Variants in CHCHD6 observed in about 807,000 individuals in gnomAD.
The protein encoded by CHCHD6 is MICOS complex subunit MIC25.
CHCHD6 carries 28 observed loss-of-function variants against 32.3 expected under a neutral mutation model. The observed-to-expected ratio is 0.87, with a 90% CI of 0.64 to 1.19. The LOEUF is 1.19. CHCHD6 is among the 50% of genes most tolerant of loss of function. The pLI is 0.00. For missense variants in CHCHD6, 333 were observed against 307.0 expected (o/e 1.08, Z -0.63); for synonymous variants, 122 against 117.5 (o/e 1.04, Z -0.25).
chr3:126,727,344 T>C (rs1276991592), intron 2 of CHCHD6, among the ~76,000 whole-genome samples, 158 bp downstream of exon 2: 2 of 152,190 alleles, frequency 1.3e-5, no homozygotes, highest in Admixed American at 6.5e-5. Flanking sequence ...GAGCATGGCT[T>C]TCTGGGAGTG....
chr3:126,827,235 A>G (rs570186280), intron 4 of CHCHD6, among the ~76,000 whole-genome samples: 1 of 152,314 alleles, frequency 6.6e-6, no homozygotes, highest in Admixed American at 6.5e-5. Context: ...GCTTCATGCA[A>G]GGAAATGACA....
At chr3:126,733,476 A>C (rs911096499) in intron 4 of CHCHD6, among the ~76,000 whole-genome samples, 3 of 152,210 alleles carry the variant, frequency 2.0e-5, no homozygotes, top group Admixed American at 1.3e-4. Context: ...AGGTCTACAC[A>C]GTAAGGGACC....
chr3:126,947,860 G>A (rs577505732), intron 6 of CHCHD6, among the ~76,000 whole-genome samples: 3 of 152,308 alleles, frequency 2.0e-5, no homozygotes, highest in Admixed American at 6.5e-5. Flanking sequence ...CATAAGCTAC[G>A]GCTCCTCCCC....
intron 6 of CHCHD6, among the ~76,000 whole-genome samples, chr3:126,930,968 C>T (rs1170199302): frequency 6.6e-6 from 1 of 152,232 alleles, no homozygotes; most frequent in Non-Finnish European, 1.5e-5. Flanking sequence ...TGCCAAAGGC[C>T]CCCAGCCTGG....
intron 4 of CHCHD6, among the ~76,000 whole-genome samples, chr3:126,761,269 T>C (rs1238785000): frequency 2.0e-5 from 3 of 152,224 alleles, no homozygotes; most frequent in Non-Finnish European, 4.4e-5. Context: ...TCTCCACATC[T>C]TGGAGATGAG....
chr3:126,803,374 A>G lies in CHCHD6; in HGVS notation c.412-49273A>G, dbSNP rs1050552619. Among the ~76,000 whole-genome samples the G allele has an allele frequency of 2.0e-5, 3 of 152,146 alleles. No individual in the cohort carries two copies. The East Asian group carries it at 5.8e-4, about 29-fold the overall frequency. ...AAAATAAAGGGATGGAGGAAGATCT[A>G]CCAAGCAAATGGAAAACAAAAAAAG... is the stretch of plus-strand genomic sequence containing the variant. On this transcript the variant is annotated intron_variant, in intron 4 of 7. Transcript: ENST00000290913.
At chr3:126,873,601 C>T (rs181715815) in intron 5 of CHCHD6, among the ~76,000 whole-genome samples, 8 of 152,294 alleles carry the variant, frequency 5.3e-5, no homozygotes, top group South Asian at 2.1e-4. Context: ...GCTGGAGTGC[C>T]GTGATAAGAA....
At chr3:126,772,177 C>T (rs1183506296) in intron 4 of CHCHD6, among the ~76,000 whole-genome samples, 3 of 152,174 alleles carry the variant, frequency 2.0e-5, no homozygotes, top group African/African-American at 7.2e-5. Flanking sequence ...TCTCGGCTCA[C>T]TGCAAGCTCC....
intron 6 of CHCHD6, among the ~76,000 whole-genome samples, chr3:126,942,635 G>A (rs564595822): frequency 6.6e-6 from 1 of 152,024 alleles, no homozygotes; most frequent in Admixed American, 6.5e-5. Context: ...ACTTTCTAGC[G>A]CAAGGTGTTC....
At chr3:126,888,468 C>T (rs950478457) in intron 5 of CHCHD6, among the ~76,000 whole-genome samples, 5 of 152,284 alleles carry the variant, frequency 3.3e-5, no homozygotes, top group Non-Finnish European at 7.4e-5. Context: ...ACTCCTCATG[C>T]GACAGCCACC....
chr3:126,919,185 G>A (rs1230203360), intron 6 of CHCHD6, among the ~76,000 whole-genome samples: 1 of 151,734 alleles, frequency 6.6e-6, no homozygotes, highest in African/African-American at 2.4e-5. Flanking sequence ...AAGATGTAGT[G>A]TTCTGTATTG....
chr3:126,834,183 A>G (rs1347557591), intron 4 of CHCHD6, among the ~76,000 whole-genome samples: 1 of 152,010 alleles, frequency 6.6e-6, no homozygotes, highest in African/African-American at 2.4e-5. Context: ...TCATGTGCCT[A>G]CCAAGTTTCA....
chr3:126,704,655 C>G (rs1397885715), intron 1 of CHCHD6, among the ~76,000 whole-genome samples: 1 of 152,182 alleles, frequency 6.6e-6, no homozygotes, highest in African/African-American at 2.4e-5. Context: ...ACACGAGGGA[C>G]GCCCTGGCCA....
chr3:126,930,522 T>G (rs2107598270), intron 6 of CHCHD6, among the ~76,000 whole-genome samples: 1 of 152,356 alleles, frequency 6.6e-6, no homozygotes, highest in Non-Finnish European at 1.5e-5. Context: ...ACTGTCATAC[T>G]TCACTGCCAG....
At chr3:126,755,708 C>G (rs1410154983) in intron 4 of CHCHD6, among the ~76,000 whole-genome samples, 2 of 152,104 alleles carry the variant, frequency 1.3e-5, no homozygotes, top group African/African-American at 2.4e-5. Flanking sequence ...TTCATAAACT[C>G]AATATATCAA....
At position 126,720,320 on chromosome 3, in the gene CHCHD6, A is replaced by G. The variant is rs148064016; in HGVS notation, c.88-6758A>G. On this transcript the variant is annotated intron_variant, in intron 1 of 7. Coordinates refer to ENST00000290913, the MANE Select transcript of CHCHD6 (RefSeq NM_032343.3). Reference sequence around the variant, plus strand: ...ATGGTTGCCTCATCCTCATCCACATAGATCCCAGGACCCCTGAGGTTCATT... The same window carrying G: ...ATGGTTGCCTCATCCTCATCCACATGGATCCCAGGACCCCTGAGGTTCATT... Among the ~76,000 whole-genome samples the G allele has an allele frequency of 2.0e-5, 3 of 152,290 alleles. No individual in the cohort carries two copies. In the East Asian group the frequency reaches 5.8e-4, roughly 29 times the overall value.
intron 4 of CHCHD6, among the ~76,000 whole-genome samples, chr3:126,757,709 C>T (rs1036777474): frequency 3.9e-5 from 6 of 152,134 alleles, no homozygotes; most frequent in Non-Finnish European, 8.8e-5. Context: ...GACAAGTAGG[C>T]CACAGAAGCG....
chr3:126,729,875 TG>T (rs960929986), intron 2 of CHCHD6, among the ~76,000 whole-genome samples: 1 of 152,136 alleles, frequency 6.6e-6, no homozygotes, highest in African/African-American at 2.4e-5. Flanking sequence ...TGGTGAGCTT[TG>T]GCTGACAGAG....
intron 6 of CHCHD6, among the ~76,000 whole-genome samples, chr3:126,916,751 T>C (rs963761557): frequency 6.6e-6 from 1 of 152,198 alleles, no homozygotes; most frequent in Non-Finnish European, 1.5e-5. Flanking sequence ...TCACAGAACA[T>C]TGAGAAGGAG....
Sources: allele counts gnomAD v4.1 joint callset (sites outside exome capture counted in the v4.1 genomes callset), GRCh38; gene constraint gnomAD v4.1.1; transcripts MANE v1.5; gene names NCBI Gene and HGNC (gene_info 2026-07-23, HGNC 2026-07-21).